Variants in PTPRK observed in about 807,000 individuals in gnomAD.
The protein encoded by PTPRK is receptor-type tyrosine-protein phosphatase kappa.
PTPRK carries 75 observed loss-of-function variants against 178.0 expected under a neutral mutation model. The ratio of observed to expected loss-of-function variants is 0.42; its 90% CI spans 0.35 to 0.51. The LOEUF (loss-of-function observed/expected upper bound fraction) is 0.51, where lower values mean the gene tolerates loss of function less well. Among genes scored for constraint, PTPRK ranks in the 20% least tolerant of loss-of-function variants. The probability of loss-of-function intolerance (pLI) is 0.02; values close to 1 mark genes in which losing one functional copy is unlikely to be tolerated. For missense variants in PTPRK, 1,441 were observed against 1,797.8 expected (o/e 0.80, Z 3.59); for synonymous variants, 637 against 620.6 (o/e 1.03, Z -0.39).
intron 13 of PTPRK, among the ~76,000 whole-genome samples, chr6:128,037,953 C>T (rs987860414): frequency 6.6e-6 from 1 of 152,076 alleles, no homozygotes. Context: ...GAATTTTTCA[C>T]TTTAAAAATT....
chr6:128,151,745 T>G (rs1210686108), intron 7 of PTPRK, among the ~76,000 whole-genome samples: 1 of 151,898 alleles, frequency 6.6e-6, no homozygotes, highest in Non-Finnish European at 1.5e-5. Flanking sequence ...ATTACAAACT[T>G]CTAAAAAAGA....
At chr6:127,984,000 T>G (rs767926754) in intron 22 of PTPRK, among the ~76,000 whole-genome samples, 3 of 152,144 alleles carry the variant, frequency 2.0e-5, no homozygotes, top group Non-Finnish European at 2.9e-5. Context: ...GAAAATGAAT[T>G]ATTAGGTGTA....
intron 7 of PTPRK, among the ~76,000 whole-genome samples, chr6:128,103,699 A>G (rs1481361704): frequency 6.6e-6 from 1 of 152,166 alleles, no homozygotes; most frequent in African/African-American, 2.4e-5. Context: ...TTTAGATTAG[A>G]ATCTGTCCAC....
At chr6:128,488,516 C>T (rs1200208283) in intron 1 of PTPRK, among the ~76,000 whole-genome samples, 1 of 152,168 alleles carries the variant, frequency 6.6e-6, no homozygotes, top group Non-Finnish European at 1.5e-5. Context: ...ACTGGGCATC[C>T]ACAAGCCAGA....
intron 1 of PTPRK, among the ~76,000 whole-genome samples, chr6:128,484,606 T>C (rs1277620287): frequency 6.6e-6 from 1 of 152,198 alleles, no homozygotes; most frequent in African/African-American, 2.4e-5. Context: ...GGGAAGAAAC[T>C]ATTTCCTGAC....
At chr6:128,165,218 T>C (rs975281314) in intron 7 of PTPRK, among the ~76,000 whole-genome samples, 3 of 151,438 alleles carry the variant, frequency 2.0e-5, no homozygotes, top group Non-Finnish European at 4.4e-5. Context: ...AGTAATTATT[T>C]CAGTTTTACC....
At chr6:128,493,226 A>T (rs1854090200) in intron 1 of PTPRK, among the ~76,000 whole-genome samples, 1 of 152,302 alleles carries the variant, frequency 6.6e-6, no homozygotes, top group African/African-American at 2.4e-5. Flanking sequence ...TGCAATTTTT[A>T]AAAATTTATT....
chr6:128,092,095 T>C lies in PTPRK; in HGVS notation c.1163-2103A>G, dbSNP rs1787067012. On this transcript the variant is annotated intron_variant, in intron 7 of 29. Transcript: ENST00000368226. Reference sequence around the variant, plus strand: ...CATTTAAAATTGGGATAGAGTAGCTTTATTAGTCCTACACAATGTATATAA... The same window carrying C: ...CATTTAAAATTGGGATAGAGTAGCTCTATTAGTCCTACACAATGTATATAA... Among the ~76,000 whole-genome samples, 5 of 152,196 alleles carry C rather than the reference T, an allele frequency of 3.3e-5. No homozygotes were observed. The South Asian group carries it at 1.0e-3, about 32-fold the overall frequency.
intron 7 of PTPRK, among the ~76,000 whole-genome samples, chr6:128,174,740 G>T (rs1055194912): frequency 2.0e-5 from 3 of 151,798 alleles, no homozygotes; most frequent in Admixed American, 6.6e-5. Flanking sequence ...CATCAGTAAG[G>T]ATTACAGCAA....
intron 1 of PTPRK, among the ~76,000 whole-genome samples, chr6:128,453,690 T>G (rs1848062475): frequency 1.3e-5 from 2 of 152,128 alleles, no homozygotes; most frequent in Non-Finnish European, 2.9e-5. Flanking sequence ...AAAAACAAAA[T>G]AGCCACCCTG....
At chr6:128,280,058 T>A (rs1012058907) in intron 3 of PTPRK, among the ~76,000 whole-genome samples, 2 of 152,208 alleles carry the variant, frequency 1.3e-5, no homozygotes, top group Non-Finnish European at 2.9e-5. Context: ...AATTCATGCA[T>A]GTATGAATAA....
intron 5 of PTPRK, among the ~76,000 whole-genome samples, chr6:128,224,731 G>C (rs927777056): frequency 3.9e-5 from 6 of 152,266 alleles, no homozygotes; most frequent in Admixed American, 2.6e-4. Flanking sequence ...AATTGGTCAA[G>C]TTATTTCTAA....
chr6:128,280,915 ATTCT>A (rs1821570802), intron 3 of PTPRK, among the ~76,000 whole-genome samples: 1 of 152,168 alleles, frequency 6.6e-6, no homozygotes, highest in South Asian at 2.1e-4. Context: ...TTTGTAGCAT[ATTCT>A]TTGAGTAATT....
chr6:128,301,902 A>T (rs2128312399), intron 3 of PTPRK, among the ~76,000 whole-genome samples: 1 of 152,364 alleles, frequency 6.6e-6, no homozygotes, highest in South Asian at 2.1e-4. Flanking sequence ...CTATATAAGC[A>T]AAAATAAAAT....
At chr6:128,311,409 C>T (rs1259469716) in intron 3 of PTPRK, among the ~76,000 whole-genome samples, 2 of 152,036 alleles carry the variant, frequency 1.3e-5, no homozygotes, top group Non-Finnish European at 1.5e-5. Context: ...GTCCAAGCAC[C>T]GAGGAGTCAG....
intron 2 of PTPRK, among the ~76,000 whole-genome samples, chr6:128,354,815 G>T (rs577019840): frequency 5.9e-5 from 9 of 152,292 alleles, no homozygotes; most frequent in South Asian, 2.1e-4. Flanking sequence ...ACATGATGAA[G>T]CTCACATTCA....
chr6:128,500,549 CT>C (rs1256626290), intron 1 of PTPRK: 2 of 152,162 alleles, frequency 1.3e-5, no homozygotes, highest in Non-Finnish European at 2.9e-5. Flanking sequence ...TTAACGTCTA[CT>C]GATCACAGGT....
intron 7 of PTPRK, among the ~76,000 whole-genome samples, chr6:128,178,667 C>A (rs1801458965): frequency 6.6e-6 from 1 of 151,088 alleles, no homozygotes; most frequent in Non-Finnish European, 1.5e-5. Context: ...ATCTATCTAT[C>A]TATCTATCTA....
intron 1 of PTPRK, among the ~76,000 whole-genome samples, chr6:128,484,997 A>T (rs556431691): frequency 6.6e-6 from 1 of 152,210 alleles, no homozygotes; most frequent in Non-Finnish European, 1.5e-5. Context: ...GATCAAATGC[A>T]TTAGACTGAG....
Sources: allele counts gnomAD v4.1 joint callset (sites outside exome capture counted in the v4.1 genomes callset), GRCh38; gene constraint gnomAD v4.1.1; transcripts MANE v1.5; gene names NCBI Gene and HGNC (gene_info 2026-07-23, HGNC 2026-07-21).